The following PHACTR2 variants were observed in gnomAD, a reference collection of about 807,000 sequenced individuals.
The protein encoded by PHACTR2 is chromosome 6 open reading frame 56.
In PHACTR2, 30 loss-of-function variants were observed where a neutral mutation model predicts 76.0. The observed-to-expected ratio is 0.39, with a 90% CI of 0.30 to 0.54. The LOEUF (loss-of-function observed/expected upper bound fraction) is 0.54. Ranked by LOEUF, PHACTR2 falls within the 20% of genes least tolerant of loss-of-function variation. The probability of loss-of-function intolerance (pLI) is 0.61; values close to 1 mark genes in which losing one functional copy is unlikely to be tolerated. For missense variants in PHACTR2, 696 were observed against 781.1 expected, an observed-to-expected ratio of 0.89 and a Z score of 1.30; for synonymous variants, 292 against 292.5, an observed-to-expected ratio of 1.00 and a Z score of 0.02.
At position 143,654,276 on chromosome 6, in the gene PHACTR2, ACT is replaced by A. The variant is rs1265265342; in HGVS notation, c.13+45957_13+45958del. On this transcript the variant is annotated intron_variant, in intron 1 of 11. Coordinates refer to the PHACTR2 transcript ENST00000305766. This position sits in a 1 kb window ranked among gnomAD's most constrained non-coding sequence, Gnocchi z 4.6. Reference sequence around the variant, plus strand: ...AAATGATATAGTCACTTTAGAAAACACTCTGGCAGTTCCTCAAACAATCAATC... The same window carrying A: ...AAATGATATAGTCACTTTAGAAAACACTGGCAGTTCCTCAAACAATCAATC... Among the ~76,000 whole-genome samples, 9 of 152,128 alleles carry A rather than the reference ACT, an allele frequency of 5.9e-5. No homozygotes were observed. Among genetic ancestry groups the A allele is most frequent in the African/African-American group, 2.2e-4 (9 of 41,410 alleles).
In PHACTR2 at chr6:143,775,741, AAAT is replaced by A. The variant is rs1291185141; in HGVS notation, c.1589+1534_1589+1536del. Among the ~76,000 whole-genome samples, 10 of 152,238 alleles carry A rather than the reference AAAT, an allele frequency of 6.6e-5. No homozygotes were observed. Among genetic ancestry groups the A allele is most frequent in the African/African-American group, 1.4e-4 (6 of 41,456 alleles). ...TAAATCATTGAATAATATTTGCATA[AAAT>A]AATAATAGTGTTATCATAGTAAGGA... On this transcript the variant is annotated intron_variant, in intron 8 of 12. Transcript: ENST00000440869. This position sits in a 1 kb window ranked among gnomAD's most constrained non-coding sequence, Gnocchi z 4.4.
chr6:143,685,689 A>G (rs1338609164), intron 1 of PHACTR2, among the ~76,000 whole-genome samples: 1 of 92,348 alleles, frequency 1.1e-5, no homozygotes, highest in Non-Finnish European at 2.1e-5. Flanking sequence ...CAATTAAATG[A>G]AAAAAAAAAA....
At position 143,617,224 on chromosome 6, in the gene PHACTR2, C is replaced by A. The variant is rs976664567; in HGVS notation, c.13+8902C>A. Among the ~76,000 whole-genome samples, 1 of 152,162 alleles carries A rather than the reference C, an allele frequency of 6.6e-6. No individual in the cohort carries two copies. The highest frequency in any genetic ancestry group is 1.5e-5 in the Non-Finnish European group (1 of 68,034). On this transcript the variant is annotated intron_variant, in intron 1 of 11. Coordinates refer to the PHACTR2 transcript ENST00000305766. The surrounding 1 kb of genome is among the most constrained non-coding windows in gnomAD (Gnocchi z 4.8). ...ACATATCCCATCTTACAACGTCTTC[C>A]CAACTGGTCTCCAAGCCCTGAATTT...
chr6:143,683,149 T>C lies in PHACTR2; in HGVS notation c.46+4940T>C, dbSNP rs556234904. 3.9e-5 allele frequency among the ~76,000 whole-genome samples: 6 copies of C among 152,326 alleles called. No individual in the cohort carries two copies. The highest frequency in any genetic ancestry group is 5.9e-5 in the Non-Finnish European group (4 of 68,038). On this transcript the variant is annotated intron_variant, in intron 1 of 12. Coordinates refer to ENST00000440869, the MANE Select transcript of PHACTR2 (RefSeq NM_001100164.2). This position sits in a 1 kb window ranked among gnomAD's most constrained non-coding sequence, Gnocchi z 4.1. ...AAGTACAGGCTAAAACGATATGCCC[T>C]CAAATAGGATGGTTTCGGTACCCTC...
Position 143,712,016 on chromosome 6 carries a change from T to G in PHACTR2, c.47T>G (p.Val16Gly). ...TCTGTCTATATCTTTCTTTATACAG[T>G]TGACGGACTGGACAAAGCTTCTATA... ...VSTLSPQPGS[V>G]DGLDKASIAN... Residue 16 changes from valine to glycine, a missense_variant and splice_region_variant, in exon 2 of 13, where the codon GTT (valine) becomes GGT (glycine). Transcript: ENST00000440869. 6.3e-7 allele frequency: 1 copy of G among 1,596,548 alleles called. No homozygotes were observed. Among genetic ancestry groups the G allele is most frequent in the South Asian group, 1.1e-5 (1 of 87,898 alleles).
At chr6:143,702,773 CTTTTTT>C (rs1190039194) in intron 1 of PHACTR2, among the ~76,000 whole-genome samples, 26,763 of 99,926 alleles carry the variant, frequency 0.27, 3,279 homozygotes, top group Middle Eastern at 0.38. Context: ...ATATATACAA[CTTTTTT>C]TTTTTTTTTT....
In PHACTR2 at chr6:143,801,385, T is replaced by C. The variant is rs1401379196; in HGVS notation, c.1846-5672T>C. Among the ~76,000 whole-genome samples the C allele has an allele frequency of 1.3e-5, 2 of 152,202 alleles. No individual in the cohort carries two copies. Among genetic ancestry groups the C allele is most frequent in the Non-Finnish European group, 2.9e-5 (2 of 68,034 alleles). ...ACATAGTCTCATATTTATTGGAGGC[T>C]TTGTTCATTTCTTTTCACTCCTTAT... On this transcript the variant is annotated intron_variant, in intron 11 of 12. Coordinates refer to ENST00000440869, the MANE Select transcript of PHACTR2 (RefSeq NM_001100164.2). This position sits in a 1 kb window ranked among gnomAD's most constrained non-coding sequence, Gnocchi z 4.6.
chr6:143,748,277 T>G (rs1315558769), intron 2 of PHACTR2, among the ~76,000 whole-genome samples: 1 of 152,178 alleles, frequency 6.6e-6, no homozygotes, highest in Non-Finnish European at 1.5e-5. Flanking sequence ...TTGGCCAGGC[T>G]GGTCTCAAAC....
At position 143,554,811 on chromosome 6, in the gene PHACTR2, G is replaced by A. The variant is rs1467609681; in HGVS notation, c.217+17604G>A. 3 of 152,046 alleles carry A rather than the reference G, an allele frequency of 2.0e-5. No homozygotes were observed. Among genetic ancestry groups the A allele is most frequent in the Non-Finnish European group, 2.9e-5 (2 of 68,014 alleles). The allele number at this position is 152,046 out of a possible 1,614,324, so 9.4% of individuals were successfully genotyped here. On this transcript the variant is annotated intron_variant, in intron 1 of 11. Transcript: ENST00000367584. The surrounding 1 kb of genome is among the most constrained non-coding windows in gnomAD (Gnocchi z 5.9). Reference sequence around the variant, plus strand: ...TTTCCCTGATTACTATTGAACCTAGGAAATATTTTATATTATTAGCCATTT... The same window carrying A: ...TTTCCCTGATTACTATTGAACCTAGAAAATATTTTATATTATTAGCCATTT...
chr6:143,688,826 C>G lies in PHACTR2; in HGVS notation c.46+10617C>G, dbSNP rs926976072. ...TTCCCACCCTTCTGCAATTCATTTT[C>G]CACAGAACAGCTAAAGTAATTTCTT... On this transcript the variant is annotated intron_variant, in intron 1 of 12. Transcript: ENST00000440869. The surrounding 1 kb of genome is among the most constrained non-coding windows in gnomAD (Gnocchi z 5.2). Among the ~76,000 whole-genome samples, 1 of 152,210 alleles carries G rather than the reference C, an allele frequency of 6.6e-6. No individual in the cohort carries two copies. The highest frequency in any genetic ancestry group is 6.5e-5 in the Admixed American group (1 of 15,284).
In PHACTR2 at chr6:143,641,964, G is replaced by A. The variant is rs768699563; in HGVS notation, c.13+33642G>A. 5.3e-5 allele frequency among the ~76,000 whole-genome samples: 8 copies of A among 152,198 alleles called. No individual in the cohort carries two copies. The highest frequency in any genetic ancestry group is 2.1e-4 in the South Asian group (1 of 4,816). On this transcript the variant is annotated intron_variant, in intron 1 of 11. Transcript: ENST00000305766. The surrounding 1 kb of genome is among the most constrained non-coding windows in gnomAD (Gnocchi z 5.8). ...TATTTATGCATCTAACTAGGTAATC[G>A]TGTTTGTCCCACTCATGCATGGCCA...
rs115412514 is a variant in PHACTR2 at position 143,619,333 on chromosome 6, C to T, written c.13+11011C>T. ...AAATGCTTCACAGATGATTCCTCTA[C>T]GCCCTGGTGAGACCCATTATCGGTC... On this transcript the variant is annotated intron_variant, in intron 1 of 11. Coordinates refer to the PHACTR2 transcript ENST00000305766. The surrounding 1 kb of genome is among the most constrained non-coding windows in gnomAD (Gnocchi z 4.5). 6.3e-3 allele frequency among the ~76,000 whole-genome samples: 965 copies of T among 152,330 alleles called. 11 individuals carry two copies. Among genetic ancestry groups the T allele is most frequent in the African/African-American group, 0.019 (807 of 41,582 alleles).
rs1230297382 is a variant in PHACTR2, at chr6:143,776,788, G to A, written c.1590-540G>A. Among the ~76,000 whole-genome samples, 5 of 152,236 alleles carry A rather than the reference G, an allele frequency of 3.3e-5. No homozygotes were observed. The highest frequency in any genetic ancestry group is 6.5e-5 in the Admixed American group (1 of 15,284). On this transcript the variant is annotated intron_variant, in intron 8 of 12. Transcript: ENST00000440869. This position sits in a 1 kb window ranked among gnomAD's most constrained non-coding sequence, Gnocchi z 5.3. ...CATGACACTCCCCAGGTAGGTGAGC[G>A]ATCCAGTATGGTGGGAGCATGGCTC... is the stretch of plus-strand genomic sequence containing the variant.
intron 1 of PHACTR2, among the ~76,000 whole-genome samples, chr6:143,559,976 G>T (rs144763051): frequency 0.02 from 3,018 of 151,948 alleles, 111 homozygotes; most frequent in African/African-American, 0.066. Context: ...CTCCCAAAGG[G>T]CTGGGATTAC....
chr6:143,650,504 A>G (rs1776741889), intron 1 of PHACTR2, among the ~76,000 whole-genome samples: 1 of 152,208 alleles, frequency 6.6e-6, no homozygotes, highest in Admixed American at 6.5e-5. Context: ...ATGGAACAGA[A>G]TAGAGAAGCC....
In PHACTR2 at chr6:143,625,728, G is replaced by A. The variant is rs1389584123; in HGVS notation, c.13+17406G>A. Among the ~76,000 whole-genome samples, 1 of 152,194 alleles carries A rather than the reference G, an allele frequency of 6.6e-6. No individual in the cohort carries two copies. Among genetic ancestry groups the A allele is most frequent in the Non-Finnish European group, 1.5e-5 (1 of 68,038 alleles). On this transcript the variant is annotated intron_variant, in intron 1 of 11. Transcript: ENST00000305766. The surrounding 1 kb of genome is among the most constrained non-coding windows in gnomAD (Gnocchi z 4.3). ...ATGAATTGAGTGCCTACTGGGTCAG[G>A]CACTCTTCCGGGTGCAGTGAATGGG...
rs1251142706 is a variant in PHACTR2 at position 143,696,547 on chromosome 6, A to G, written c.47-15469A>G. Among the ~76,000 whole-genome samples, 1 of 152,164 alleles carries G rather than the reference A, an allele frequency of 6.6e-6. No individual in the cohort carries two copies. Among genetic ancestry groups the G allele is most frequent in the Non-Finnish European group, 1.5e-5 (1 of 68,028 alleles). ...TATTACCCCATTCTACAGATGAGGA[A>G]GGGACTCTGAAAGGTTGAATTACAG... On this transcript the variant is annotated intron_variant, in intron 1 of 12. Transcript: ENST00000440869. The surrounding 1 kb of genome is among the most constrained non-coding windows in gnomAD (Gnocchi z 4.1).
rs1776212226 is a variant in PHACTR2, at chr6:143,624,148, C to G, written c.13+15826C>G. On this transcript the variant is annotated intron_variant, in intron 1 of 11. Coordinates refer to the PHACTR2 transcript ENST00000305766. The surrounding 1 kb of genome is among the most constrained non-coding windows in gnomAD (Gnocchi z 4.6). ...TTTTTAGACAGTATTGCTCTTTTGC[C>G]CAGGCTGGAGTGCAGTGGCCCAATC... Among the ~76,000 whole-genome samples, 1 of 151,846 alleles carries G rather than the reference C, an allele frequency of 6.6e-6. No individual in the cohort carries two copies. Among genetic ancestry groups the G allele is most frequent in the African/African-American group, 2.4e-5 (1 of 41,310 alleles).
intron 9 of PHACTR2, among the ~76,000 whole-genome samples, chr6:143,778,519 A>C (rs1775340371): frequency 6.6e-6 from 1 of 151,684 alleles, no homozygotes; most frequent in East Asian, 1.9e-4. Context: ...GGAAGGACTT[A>C]AGTGGCTACT....
Sources: allele counts gnomAD v4.1 joint callset (sites outside exome capture counted in the v4.1 genomes callset), GRCh38; gene constraint gnomAD v4.1.1; non-coding constraint Gnocchi (gnomAD v3.1); transcripts MANE v1.5; gene names NCBI Gene and HGNC (gene_info 2026-07-23, HGNC 2026-07-21).